The following SLIT3 variants were observed in gnomAD, a reference collection of about 807,000 sequenced individuals.
SLIT3 encodes slit homolog 3 protein.
A neutral mutation model predicts 184.0 loss-of-function variants in SLIT3; 68 were observed. The observed-to-expected ratio is 0.37, with a 90% confidence interval of 0.30 to 0.45. SLIT3 has a LOEUF of 0.45. Among genes scored for constraint, SLIT3 ranks in the 20% least tolerant of loss-of-function variants. The pLI, the probability that SLIT3 is intolerant of heterozygous loss-of-function variation, is 1.00. For synonymous variants in SLIT3, 831 were observed against 828.6 expected (o/e 1.00, Z -0.05); for missense variants, 1,707 against 2,026.0 (o/e 0.84, Z 3.02).
In SLIT3 at chr5:168,686,215, G is replaced by A. The variant is rs113937873; in HGVS notation, c.3315-288C>T. ...GCACAGGAGTGCGAGTTCAGGCTGC[G>A]GAACAGAGCAAGACTCCGGCTCCAA... On this transcript the variant is annotated intron_variant, in intron 30 of 35. Coordinates refer to ENST00000519560, the MANE Select transcript of SLIT3 (RefSeq NM_003062.4). Among the ~76,000 whole-genome samples the A allele has an allele frequency of 8.1e-4, 124 of 152,284 alleles. 1 individual carries two copies. The highest frequency in any genetic ancestry group is 2.4e-3 in the African/African-American group (98 of 41,562).
chr5:168,883,361 C>T (rs1229211218), intron 4 of SLIT3, 25 bp from the exon 5 acceptor site: 1 of 1,579,436 alleles, frequency 6.3e-7, no homozygotes, highest in East Asian at 2.2e-5. Context: ...AAGAGGCACA[C>T]TGCATTAAAG....
chr5:168,795,277 T>C (rs891877192), intron 10 of SLIT3, among the ~76,000 whole-genome samples: 2 of 152,198 alleles, frequency 1.3e-5, no homozygotes, highest in African/African-American at 4.8e-5. Context: ...TACTTTGCTT[T>C]AGTTGGAGAG....
intron 31 of SLIT3, 136 bp downstream of exon 31, chr5:168,685,551 T>C: frequency 1.7e-6 from 2 of 1,181,222 alleles, no homozygotes; most frequent in Non-Finnish European, 2.3e-6. Context: ...GATGAGTTGG[T>C]CCAGATGTCC....
At chr5:168,871,187 C>T (rs965357201) in intron 5 of SLIT3, among the ~76,000 whole-genome samples, 1 of 152,228 alleles carries the variant, frequency 6.6e-6, no homozygotes, top group Non-Finnish European at 1.5e-5. Flanking sequence ...TTCTCTCTCT[C>T]TGCTTCCAGC....
At chr5:168,732,058 C>A (rs1313108038) in intron 20 of SLIT3, among the ~76,000 whole-genome samples, 4 of 151,912 alleles carry the variant, frequency 2.6e-5, no homozygotes, top group African/African-American at 7.3e-5. Context: ...AAATACTTGA[C>A]CAAAAAACTG....
chr5:169,182,581 G>A (rs1252272807), intron 4 of SLIT3, among the ~76,000 whole-genome samples: 1 of 152,216 alleles, frequency 6.6e-6, no homozygotes, highest in Non-Finnish European at 1.5e-5. Flanking sequence ...ATTCCCAAAT[G>A]TTGGTTGAAA....
chr5:169,131,532 A>G (rs563580368), intron 4 of SLIT3, among the ~76,000 whole-genome samples: 1 of 152,234 alleles, frequency 6.6e-6, no homozygotes, highest in Non-Finnish European at 1.5e-5. Context: ...TCTCTGAATT[A>G]GTTTCTTTAT....
chr5:169,258,383 T>G (rs1766050676), intron 1 of SLIT3, among the ~76,000 whole-genome samples: 1 of 152,196 alleles, frequency 6.6e-6, no homozygotes, highest in African/African-American at 2.4e-5. Flanking sequence ...CTTAGTAACT[T>G]TGCTTCCCCC....
intron 23 of SLIT3, among the ~76,000 whole-genome samples, chr5:168,717,453 T>G (rs2569021): frequency 1.3e-5 from 2 of 151,816 alleles, no homozygotes; most frequent in Non-Finnish European, 2.9e-5. Flanking sequence ...TGGCTCTTCT[T>G]TCAGGTATCG....
At chr5:168,915,653 T>C (rs1761408663) in intron 4 of SLIT3, among the ~76,000 whole-genome samples, 1 of 152,216 alleles carries the variant, frequency 6.6e-6, no homozygotes, top group African/African-American at 2.4e-5. Context: ...TGCATTCTTT[T>C]TTTTTTGAAT....
intron 24 of SLIT3, 33 bp from the exon 25 acceptor site, chr5:168,711,091 G>A: frequency 6.6e-7 from 1 of 1,512,370 alleles, no homozygotes; most frequent in Non-Finnish European, 8.9e-7. Context: ...AGGGCCCCCT[G>A]CCCAGCTTGG....
intron 26 of SLIT3, chr5:168,707,693 T>C (rs1290498300): frequency 2.9e-6 from 1 of 346,170 alleles, no homozygotes; most frequent in Non-Finnish European, 5.3e-6. Flanking sequence ...TGAGACTTAA[T>C]TTCTCCATGT....
intron 4 of SLIT3, among the ~76,000 whole-genome samples, chr5:169,083,181 C>G (rs1759141440): frequency 6.6e-6 from 1 of 152,174 alleles, no homozygotes; most frequent in South Asian, 2.1e-4. Flanking sequence ...ATTGTTGACT[C>G]TATTTGTATT....
chr5:168,910,658 A>G (rs1043810944), intron 4 of SLIT3, among the ~76,000 whole-genome samples: 1 of 151,806 alleles, frequency 6.6e-6, no homozygotes, highest in Non-Finnish European at 1.5e-5. Flanking sequence ...AGGCAGGAGA[A>G]TGGCGTGAAC....
At chr5:169,202,348 G>T (rs1378391816) in intron 3 of SLIT3, among the ~76,000 whole-genome samples, 1 of 152,158 alleles carries the variant, frequency 6.6e-6, no homozygotes, top group Non-Finnish European at 1.5e-5. Flanking sequence ...TAAGTGTTGT[G>T]TTAGGTGTTT....
chr5:169,114,627 A>G (rs900829362), intron 4 of SLIT3, among the ~76,000 whole-genome samples: 4 of 152,178 alleles, frequency 2.6e-5, no homozygotes, highest in African/African-American at 9.7e-5. Context: ...GTACATTTCA[A>G]TTCCCAGTGG....
intron 9 of SLIT3, among the ~76,000 whole-genome samples, chr5:168,800,867 T>C (rs1048460743): frequency 1.3e-5 from 2 of 152,224 alleles, no homozygotes; most frequent in African/African-American, 4.8e-5. Flanking sequence ...GCATGGGAAC[T>C]TGAGACTAAA....
rs1255952488 is a variant in SLIT3, at chr5:168,818,775, G to A, written c.630-1312C>T. 2.0e-5 allele frequency among the ~76,000 whole-genome samples: 3 copies of A among 152,204 alleles called. No individual in the cohort carries two copies. The East Asian group carries it at 5.8e-4, about 29-fold the overall frequency. On this transcript the variant is annotated intron_variant, in intron 7 of 35. Transcript: ENST00000519560. The stretch of plus-strand genomic sequence containing the variant: ...TGTAAGGTCAACATTGCCAAACACT[G>A]GCCAAGTGCAGCTACCTCCTGCTGG...
At chr5:169,287,660 G>T (rs1385528936) in intron 1 of SLIT3, among the ~76,000 whole-genome samples, 1 of 152,202 alleles carries the variant, frequency 6.6e-6, no homozygotes, top group Non-Finnish European at 1.5e-5. Context: ...GCCAACAAGA[G>T]GGGGAGGAAC....
Sources: gnomAD v4.1 joint callset for allele counts (sites outside exome capture counted in the v4.1 genomes callset) on GRCh38, gnomAD v4.1.1 for gene constraint, MANE v1.5 for transcripts, NCBI Gene and HGNC (gene_info 2026-07-23, HGNC 2026-07-21) for gene names.